The following TTN variants were observed in gnomAD, a reference collection of about 807,000 sequenced individuals.
TTN encodes connectin.
TTN carries 1,525 observed loss-of-function variants against 3,223.0 expected under a neutral mutation model. The ratio of observed to expected loss-of-function variants is 0.47; its 90% CI spans 0.45 to 0.49. TTN has a LOEUF of 0.49. Among genes scored for constraint, TTN ranks in the 20% least tolerant of loss-of-function variants. The pLI is 0.00. For missense variants in TTN, 40,786 were observed against 43,424.0 expected, an observed-to-expected ratio of 0.94 and a Z score of 5.40; for synonymous variants, 14,094 against 15,161.0, an observed-to-expected ratio of 0.93 and a Z score of 5.17.
chr2:178,794,454 T>G lies in TTN; in HGVS notation c.1343A>C (p.Gln448Pro). Residue 448 changes from glutamine (Q) to proline (P), a missense_variant, in exon 8 of 363, where the codon CAG becomes CCG. Physicochemically the swap from Gln to Pro is moderately conservative, Grantham distance 76. Transcript: ENST00000589042. ...AGTCGTGGTTGTCCTCTGAGCAGTC[T>G]GCTCTACAGCGCTGATCACTGGTTC... Reference protein sequence around the residue: ...VREPVISAVEQTAQRTTTTAV... With the variant: ...VREPVISAVEPTAQRTTTTAV... 1 of 1,614,232 alleles carries G rather than the reference T, an allele frequency of 6.2e-7. No individual in the cohort carries two copies. The highest frequency in any genetic ancestry group is 8.5e-7 in the Non-Finnish European group (1 of 1,180,026).
Position 178,753,104 on chromosome 2 carries a change from CA to C in TTN, c.11311+19del. On this transcript the variant is annotated intron_variant, in intron 47 of 362. Coordinates refer to ENST00000589042, the MANE Select transcript of TTN (RefSeq NM_001267550.2). The stretch of plus-strand genomic sequence containing the variant: ...TCCTTTAGAATTTCTACTTAAATCT[CA>C]CATCCATTATAACAATACCTTTCAT... 1 of 1,600,726 alleles carries C rather than the reference CA, an allele frequency of 6.2e-7. No individual in the cohort carries two copies. The highest frequency in any genetic ancestry group is 2.2e-5 in the East Asian group (1 of 44,494).
chr2:178,792,137 T>C lies in TTN; in HGVS notation c.1597A>G (p.Lys533Glu), dbSNP rs1172166727. ...PKVVISAAKA[K>E]EQETRISEEI... ...TCAGAAATTCTAGTTTCTTGTTCTT[T>C]GGCTTTAGCTGCGGAAATTACTACC... Residue 533 changes from lysine (K) to glutamate (E), a missense_variant, in exon 10 of 363, where the codon AAA (lysine) becomes GAA (glutamate). Lys to Glu is a moderately conservative substitution (Grantham distance 56). Coordinates refer to ENST00000589042, the MANE Select transcript of TTN (RefSeq NM_001267550.2). 1.2e-6 allele frequency: 2 copies of C among 1,612,180 alleles called. No individual in the cohort carries two copies. Among genetic ancestry groups the C allele is most frequent in the Non-Finnish European group, 1.7e-6 (2 of 1,179,488 alleles).
chr2:178,619,573 T>C, intron 250 of TTN, 48 bp downstream of exon 250: 1 of 1,592,504 alleles, frequency 6.3e-7, no homozygotes, highest in Non-Finnish European at 8.5e-7. Flanking sequence ...AAATCTGAAA[T>C]CTAAACTCTG....
chr2:178,543,810 G>A, intron 346 of TTN, 24 bp downstream of exon 346: 1 of 1,610,754 alleles, frequency 6.2e-7, no homozygotes, highest in Non-Finnish European at 8.5e-7. Flanking sequence ...TCATTGTATA[G>A]CCAATTTTAA....
chr2:178,776,070 T>A lies in TTN; in HGVS notation c.5794A>T (p.Arg1932Trp). 6.2e-7 allele frequency: 1 copy of A among 1,614,172 alleles called. No homozygotes were observed. Among genetic ancestry groups the A allele is most frequent in the South Asian group, 1.1e-5 (1 of 91,080 alleles). Residue 1932 changes from arginine to tryptophan, a missense_variant, in exon 28 of 363, where the codon AGG becomes TGG. Coordinates refer to ENST00000589042, the MANE Select transcript of TTN (RefSeq NM_001267550.2). ...CTAAGGACAGACCTAAAATCTTCCC[T>A]CTGTTGAATCTCAAGCTTCACTTTA... is the stretch of plus-strand genomic sequence containing the variant. ...EHKVKLEIQQ[R>W]EDFRSVLRRA...
Position 178,548,713 on chromosome 2 carries a change from A to G in TTN, c.92913T>C (p.Asp30971=), listed in dbSNP as rs763194349. The G allele has an allele frequency of 7.4e-6, 12 of 1,613,750 alleles. No individual in the cohort carries two copies. Among genetic ancestry groups the G allele is most frequent in the Non-Finnish European group, 1.0e-5 (12 of 1,179,808 alleles). Residue 30971 remains aspartate (D), a synonymous_variant, in exon 339 of 363, where the codon GAT becomes GAC. Coordinates refer to ENST00000589042, the MANE Select transcript of TTN (RefSeq NM_001267550.2). This position sits in a 1 kb window ranked among gnomAD's most constrained non-coding sequence, Gnocchi z 4.3. ...TGCTGAAGGAATCTGTTGTATGGAT[A>G]TCAGCCCGAAGGCTAAGGTTAGAGT... ...KPDSNLSLRA[D]IHTTDSFSTL... is the part of the protein sequence containing the mutation.
rs768481287 is a variant in TTN, at chr2:178,587,176, T to C, written c.64035A>G (p.Glu21345=). The C allele has an allele frequency of 6.2e-7, 1 of 1,613,316 alleles. No homozygotes were observed. The highest frequency in any genetic ancestry group is 1.7e-5 in the Admixed American group (1 of 59,982). The change falls in exon 307 of 363, where the codon GAA becomes GAG. Residue 21345 remains glutamate (E), a synonymous_variant. Transcript: ENST00000589042. The part of the protein sequence containing the change: ...EYYFRVTAVN[E]YGPGVPTDVP... ...CATCTGTTGGGACGCCAGGGCCATA[T>C]TCGTTGACAGCAGTTACTCTGAAGT...
chr2:178,527,915 A>C, intron 361 of TTN, 167 bp from the exon 362 acceptor site: 1 of 612,582 alleles, frequency 1.6e-6, no homozygotes. Flanking sequence ...ATTTGTCAAG[A>C]GCTAGCTCAA....
At chr2:178,597,871 A>G in intron 293 of TTN, 37 bp downstream of exon 293, 2 of 1,612,854 alleles carry the variant, frequency 1.2e-6, no homozygotes, top group Non-Finnish European at 1.7e-6. Context: ...AATCTGAAAC[A>G]TAAATACTGA....
rs1302096327 is a variant in TTN at position 178,714,549 on chromosome 2, A to G, written c.26225T>C (p.Leu8742Pro). Reference sequence around the variant, plus strand: ...ACCAACGACAGTAGATATGTCACTGAGCTTCTTCACAAATCTTGGTGGTGC... The same window carrying G: ...ACCAACGACAGTAGATATGTCACTGGGCTTCTTCACAAATCTTGGTGGTGC... ...LKAPPRFVKKLSDISTVVGKE... is the reference protein window; with the variant it reads ...LKAPPRFVKKPSDISTVVGKE... The change falls in exon 91 of 363, where the codon CTC (leucine) becomes CCC (proline). Residue 8742 changes from leucine to proline, a missense_variant. Coordinates refer to ENST00000589042, the MANE Select transcript of TTN (RefSeq NM_001267550.2). 6.8e-6 allele frequency: 11 copies of G among 1,606,750 alleles called. No individual in the cohort carries two copies. Among genetic ancestry groups the G allele is most frequent in the Non-Finnish European group, 7.7e-6 (9 of 1,175,234 alleles).
In TTN at chr2:178,698,916, TAAAAA is replaced by T; in HGVS notation, c.30683-7_30683-3del. ...CTTTCTTCACAGCCTTTTTGGTAACTAAAAAAAAAAAAAAAGAAAAAAAAAGAAAA... is the reference window on the plus strand; with the variant it reads ...CTTTCTTCACAGCCTTTTTGGTAACTAAAAAAAAAAGAAAAAAAAAGAAAA... On this transcript the variant is annotated splice_polypyrimidine_tract_variant and splice_region_variant and intron_variant, in intron 111 of 362. Transcript: ENST00000589042. 11 of 1,313,908 alleles carry T rather than the reference TAAAAA, an allele frequency of 8.4e-6. No homozygotes were observed. Among genetic ancestry groups the T allele is most frequent in the South Asian group, 3.1e-5 (2 of 63,796 alleles). The allele number at this position is 1,313,908 out of a possible 1,614,324, so 81.4% of individuals were successfully genotyped here.
chr2:178,667,921 T>C (rs950983215), intron 159 of TTN, among the ~76,000 whole-genome samples, 200 bp from the exon 160 acceptor site: 1 of 152,148 alleles, frequency 6.6e-6, no homozygotes, highest in Admixed American at 6.6e-5. Context: ...CATTTCTCTA[T>C]GATGATGATA....
rs750661972 is a variant in TTN at position 178,723,911 on chromosome 2, G to C, written c.21348C>G (p.Cys7116Trp). 6.2e-7 allele frequency: 1 copy of C among 1,613,436 alleles called. No individual in the cohort carries two copies. Among genetic ancestry groups the C allele is most frequent in the East Asian group, 2.2e-5 (1 of 44,854 alleles). Reference protein sequence around the residue: ...LDSSDMGNYTCVAANVAGSDE... With the variant: ...LDSSDMGNYTWVAANVAGSDE... The stretch of plus-strand genomic sequence containing the variant: ...CAGACCCAGCGACATTAGCAGCCAC[G>C]CATGTGTAATTGCCCATATCTGAGG... The change falls in exon 73 of 363, where the codon TGC (cysteine) becomes TGG (tryptophan). Residue 7116 changes from cysteine (C) to tryptophan (W), a missense_variant. Cys to Trp is a radical substitution (Grantham distance 215). Transcript: ENST00000589042.
At position 178,725,857 on chromosome 2, in the gene TTN, T is replaced by G. The variant is rs371518764; in HGVS notation, c.20465A>C (p.Asn6822Thr). The G allele has an allele frequency of 6.2e-7, 1 of 1,613,356 alleles. No individual in the cohort carries two copies. The highest frequency in any genetic ancestry group is 1.7e-5 in the Admixed American group (1 of 59,964). Residue 6822 changes from asparagine to threonine, a missense_variant, in exon 70 of 363, where the codon AAT (asparagine) becomes ACT (threonine). Transcript: ENST00000589042. The stretch of plus-strand genomic sequence containing the variant: ...TTCACCGATGTCTGAAGTGTCCACA[T>G]TGAGAATGTGAATACTTGTGTGGAA... ...KNFHTSIHILNVDTSDIGEYH... is the reference protein window; with the variant it reads ...KNFHTSIHILTVDTSDIGEYH...
rs1338237149 is a variant in TTN at position 178,553,161 on chromosome 2, T to A, written c.89739A>T (p.Thr29913=). The change falls in exon 335 of 363, where the codon ACA becomes ACT. Residue 29913 remains threonine (T), a synonymous_variant. Coordinates refer to ENST00000589042, the MANE Select transcript of TTN (RefSeq NM_001267550.2). ...TAGGTTCACCAACTCCATTTTCTAT[T>A]GTGAGAATATATTTTCCTGTATCAT... The part of the protein sequence containing the change: ...TRNDTGKYIL[T]IENGVGEPKS... 2 of 1,613,558 alleles carry A rather than the reference T, an allele frequency of 1.2e-6. No individual in the cohort carries two copies. Among genetic ancestry groups the A allele is most frequent in the African/African-American group, 2.7e-5 (2 of 75,054 alleles).
rs1226499081 is a variant in TTN, at chr2:178,545,663, T to A, written c.95447A>T (p.Glu31816Val). ...TIPSPPGIPE[E>V]VGTGKEHIII... ...GATATGCTCTTTGCCAGTCCCAACT[T>A]CTTCAGGTATGCCGGGTGGTGATGG... Residue 31816 changes from glutamate (E) to valine (V), a missense_variant, in exon 344 of 363, where the codon GAA becomes GTA. Transcript: ENST00000589042. 6.2e-7 allele frequency: 1 copy of A among 1,613,622 alleles called. No individual in the cohort carries two copies.
intron 140 of TTN, 62 bp from the exon 141 acceptor site, chr2:178,679,744 A>T (rs1560319101): frequency 3.9e-6 from 6 of 1,546,672 alleles, no homozygotes; most frequent in Non-Finnish European, 5.3e-6. Context: ...TGTGAAAAGC[A>T]CCTGTAGAAA....
At position 178,561,216 on chromosome 2, in the gene TTN, T is replaced by G; in HGVS notation, c.84916A>C (p.Asn28306His). Residue 28306 changes from asparagine (N) to histidine (H), a missense_variant, in exon 326 of 363, where the codon AAT (asparagine) becomes CAT (histidine). Coordinates refer to ENST00000589042, the MANE Select transcript of TTN (RefSeq NM_001267550.2). Reference sequence around the variant, plus strand: ...ACTTCAAAGTATGTTTCTTGTATATTAGTATAATTGCACTTCAGCCACCGG... The same window carrying G: ...ACTTCAAAGTATGTTTCTTGTATATGAGTATAATTGCACTTCAGCCACCGG... ...DGRWLKCNYT[N>H]IQETYFEVTE... is the part of the protein sequence containing the mutation. 6.2e-7 allele frequency: 1 copy of G among 1,613,596 alleles called. No homozygotes were observed. Among genetic ancestry groups the G allele is most frequent in the Non-Finnish European group, 8.5e-7 (1 of 1,179,798 alleles).
At chr2:178,746,274 A>G in intron 47 of TTN, 1 of 1,612,052 alleles carries the variant, frequency 6.2e-7, no homozygotes, top group South Asian at 1.1e-5. Flanking sequence ...GGCATTTCAA[A>G]TACTTCTAAA....
Sources: allele counts gnomAD v4.1 joint callset (sites outside exome capture counted in the v4.1 genomes callset), GRCh38; gene constraint gnomAD v4.1.1; non-coding constraint Gnocchi (gnomAD v3.1); transcripts MANE v1.5; gene names NCBI Gene and HGNC (gene_info 2026-07-23, HGNC 2026-07-21).